MEGF6: variants seen among roughly 807,000 people sequenced by gnomAD.
MEGF6 encodes the protein multiple epidermal growth factor-like domains protein 6.
MEGF6 carries 184 observed loss-of-function variants against 207.1 expected under a neutral mutation model. That is an observed-to-expected ratio of 0.89 (90% CI 0.79 to 1.00). The LOEUF (loss-of-function observed/expected upper bound fraction) is 1.00. Among genes scored for constraint, MEGF6 ranks in the 50% least tolerant of loss-of-function variants. MEGF6 has a pLI of 0.00. For synonymous variants in MEGF6, 1,038 were observed against 910.0 expected (o/e 1.14, Z -2.53); for missense variants, 2,282 against 2,202.9 (o/e 1.04, Z -0.72).
intron 14 of MEGF6, 22 bp from the exon 15 acceptor site, chr1:3,506,258 G>A (rs1641114247): frequency 1.2e-6 from 2 of 1,603,798 alleles, no homozygotes; most frequent in Non-Finnish European, 1.7e-6. Context: ...GGGGCTCCAT[G>A]TGAACCTTGG....
intron 4 of MEGF6, among the ~76,000 whole-genome samples, chr1:3,577,829 G>C (rs1381731898): frequency 6.6e-6 from 1 of 152,204 alleles, no homozygotes; most frequent in African/African-American, 2.4e-5. Flanking sequence ...TGGGCATGGA[G>C]CCCCCCCAAC....
chr1:3,520,140 G>A (rs1419773156), intron 5 of MEGF6, among the ~76,000 whole-genome samples: 2 of 152,248 alleles, frequency 1.3e-5, no homozygotes, highest in African/African-American at 4.8e-5. Context: ...TGCTGGTAAA[G>A]CCAGTGACAT....
intron 25 of MEGF6, 94 bp from the exon 26 acceptor site, chr1:3,498,593 A>G (rs1640714719): frequency 1.3e-6 from 2 of 1,483,674 alleles, no homozygotes; most frequent in Non-Finnish European, 1.8e-6. Flanking sequence ...GCTGAAGCCT[A>G]CACCCCAGGG....
At chr1:3,504,599 G>T (rs1569977519) in intron 17 of MEGF6, among the ~76,000 whole-genome samples, 1 of 152,020 alleles carries the variant, frequency 6.6e-6, no homozygotes, top group Non-Finnish European at 1.5e-5. Flanking sequence ...TCGGGCAGTT[G>T]GTCCCCGGGT....
Position 3,515,395 on chromosome 1 carries a change from C to A in MEGF6, c.730+7G>T. The A allele has an allele frequency of 6.2e-7, 1 of 1,609,278 alleles. No homozygotes were observed. ...CAGGTCCTCCCTCCCAGGCTGGCAG[C>A]ACTCACGGACACAATGCCTGCCGTC... On this transcript the variant is annotated splice_region_variant and intron_variant, in intron 6 of 36. Transcript: ENST00000356575.
At chr1:3,510,729 G>A (rs1641310445) in intron 10 of MEGF6, 54 bp downstream of exon 10, 1 of 1,557,128 alleles carries the variant, frequency 6.4e-7, no homozygotes, top group Non-Finnish European at 8.7e-7. Context: ...TCCTTCCTTA[G>A]GGCAGCCCTG....
In MEGF6 at chr1:3,565,054, G is replaced by A. The variant is rs1643307548; in HGVS notation, c.481+14771C>T. Among the ~76,000 whole-genome samples, 1 of 152,266 alleles carries A rather than the reference G, an allele frequency of 6.6e-6. No individual in the cohort carries two copies. Among genetic ancestry groups the A allele is most frequent in the East Asian group, 1.9e-4 (1 of 5,164 alleles). On this transcript the variant is annotated intron_variant, in intron 4 of 36. Coordinates refer to ENST00000356575, the MANE Select transcript of MEGF6 (RefSeq NM_001409.4). The surrounding 1 kb of genome is among the most constrained non-coding windows in gnomAD (Gnocchi z 4.8). The stretch of plus-strand genomic sequence containing the variant: ...AGCACCAGGACGCGGACCCAGGAGG[G>A]CAGGGGTTTTGCTGGACTGGCTGGT...
intron 2 of MEGF6, among the ~76,000 whole-genome samples, chr1:3,599,423 C>G (rs560698150): frequency 5.7e-4 from 87 of 152,376 alleles, no homozygotes; most frequent in Admixed American, 1.2e-3. Flanking sequence ...CCTGCTCCAA[C>G]CAACTGGAGA....
Position 3,514,564 on chromosome 1 carries a change from C to T in MEGF6, c.839G>A (p.Gly280Asp). ...CHVGYQLAADGKACEDVDECA... is the reference protein window; with the variant it reads ...CHVGYQLAADDKACEDVDECA... ...GGGCGTCCTACCTTCACAGGCCTTG[C>T]CGTCCGCTGCTAGCTGATAGCCCAC... is the stretch of plus-strand genomic sequence containing the variant. The change falls in exon 7 of 37, where the codon GGC becomes GAC. Residue 280 changes from glycine (G) to aspartate (D), a missense_variant. Coordinates refer to ENST00000356575, the MANE Select transcript of MEGF6 (RefSeq NM_001409.4). 1 of 1,590,446 alleles carries T rather than the reference C, an allele frequency of 6.3e-7. No homozygotes were observed. The highest frequency in any genetic ancestry group is 8.5e-7 in the Non-Finnish European group (1 of 1,171,532).
At chr1:3,516,865 C>G (rs977411563) in intron 5 of MEGF6, among the ~76,000 whole-genome samples, 3 of 152,324 alleles carry the variant, frequency 2.0e-5, no homozygotes, top group Middle Eastern at 3.4e-3. Flanking sequence ...AGTGATGGCT[C>G]TGTCTCCTGC....
At chr1:3,580,711 A>G (rs1463023786) in intron 3 of MEGF6, among the ~76,000 whole-genome samples, 1 of 138,408 alleles carries the variant, frequency 7.2e-6, no homozygotes, top group East Asian at 2.6e-4. Context: ...GGCAGCCCCT[A>G]CCCTGCACGT....
At chr1:3,519,926 AC>A (rs1241867419) in intron 5 of MEGF6, among the ~76,000 whole-genome samples, 1 of 152,008 alleles carries the variant, frequency 6.6e-6, no homozygotes, top group Admixed American at 6.5e-5. Context: ...CTGGGAGGCC[AC>A]CCCCAGCCGT....
intron 1 of MEGF6, among the ~76,000 whole-genome samples, chr1:3,609,691 GCC>G (rs1644299679): frequency 6.6e-6 from 1 of 152,152 alleles, no homozygotes; most frequent in Admixed American, 6.5e-5. Context: ...AAACAGCTTT[GCC>G]CCAGGGTCAC....
upstream of MEGF6, chr1:3,611,559 C>A: frequency 3.5e-6 from 1 of 286,122 alleles, no homozygotes; most frequent in African/African-American, 2.3e-5. Context: ...CCGCCCCCAG[C>A]CCGGACCCCA....
rs1208828690 is a variant in MEGF6, at chr1:3,498,845, G to C, written c.3095-19C>G. The C allele has an allele frequency of 1.9e-6, 3 of 1,547,858 alleles. No individual in the cohort carries two copies. The highest frequency in any genetic ancestry group is 2.6e-6 in the Non-Finnish European group (3 of 1,145,626). On this transcript the variant is annotated intron_variant, in intron 24 of 36. Coordinates refer to ENST00000356575, the MANE Select transcript of MEGF6 (RefSeq NM_001409.4). Reference sequence around the variant, plus strand: ...GGGCAGGCTGGGGCCAGGGAAGAGGGAGCAACCTGCATCCCCCAGCCAGCT... The same window carrying C: ...GGGCAGGCTGGGGCCAGGGAAGAGGCAGCAACCTGCATCCCCCAGCCAGCT...
intron 34 of MEGF6, 36 bp downstream of exon 34, chr1:3,493,735 C>A (rs1298897998): frequency 6.2e-7 from 1 of 1,601,958 alleles, no homozygotes; most frequent in Admixed American, 1.7e-5. Context: ...TGGAGACCCA[C>A]ACCCACGCCC....
At chr1:3,522,874 AG>A (rs1194738874) in intron 5 of MEGF6, among the ~76,000 whole-genome samples, 1 of 152,158 alleles carries the variant, frequency 6.6e-6, no homozygotes, top group African/African-American at 2.4e-5. Flanking sequence ...AGGGGGCCTG[AG>A]GGGACCAGGG....
rs1294495540 is a variant in MEGF6, at chr1:3,494,036, G to A, written c.4218C>T (p.Cys1406=). ...GGCCGTGGAAGCCGGCAGGGCAGAG[G>A]CATCGGCCACTGATGGGGTCGCAGG... The part of the protein sequence containing the change: ...GAPCDPISGR[C]LCPAGFHGHF... The change falls in exon 33 of 37, where the codon TGC becomes TGT. Residue 1406 remains cysteine (C), a synonymous_variant. Coordinates refer to ENST00000356575, the MANE Select transcript of MEGF6 (RefSeq NM_001409.4). 6.2e-7 allele frequency: 1 copy of A among 1,609,742 alleles called. No individual in the cohort carries two copies. The highest frequency in any genetic ancestry group is 1.7e-5 in the Admixed American group (1 of 59,528).
chr1:3,587,883 T>G (rs77360134), intron 3 of MEGF6, among the ~76,000 whole-genome samples: 826 of 5,166 alleles, frequency 0.16, 82 homozygotes, highest in East Asian at 0.39. Flanking sequence ...TGGCCAGGAG[T>G]GGCCAGGAGG....
Sources: allele counts gnomAD v4.1 joint callset (sites outside exome capture counted in the v4.1 genomes callset), GRCh38; gene constraint gnomAD v4.1.1; non-coding constraint Gnocchi (gnomAD v3.1); transcripts MANE v1.5; gene names NCBI Gene and HGNC (gene_info 2026-07-23, HGNC 2026-07-21).